The following SMYD3 variants were observed in gnomAD, a reference collection of about 807,000 sequenced individuals.
The protein encoded by SMYD3 is histone-lysine N-methyltransferase SMYD3.
SMYD3 carries 36 observed loss-of-function variants against 57.7 expected under a neutral mutation model. The observed-to-expected ratio is 0.62, with a 90% CI of 0.48 to 0.82. The LOEUF (loss-of-function observed/expected upper bound fraction) is 0.82. SMYD3 is among the 40% of genes least tolerant of loss of function. The pLI is 0.00. For synonymous variants in SMYD3, 211 were observed against 195.0 expected (o/e 1.08, Z -0.68); for missense variants, 515 against 538.8 (o/e 0.96, Z 0.44).
At chr1:246,187,040 T>C (rs954323460) in intron 5 of SMYD3, 30 of 579,194 alleles carry the variant, frequency 5.2e-5, no homozygotes, top group East Asian at 2.9e-4. Flanking sequence ...AACGAGGTGA[T>C]GTGCTGATGG....
intron 7 of SMYD3, among the ~76,000 whole-genome samples, chr1:245,918,173 A>T (rs150444808): frequency 6.6e-6 from 1 of 152,196 alleles, no homozygotes; most frequent in Non-Finnish European, 1.5e-5. Context: ...GCTGCTCCAC[A>T]CACAGAAACA....
intron 5 of SMYD3, among the ~76,000 whole-genome samples, chr1:246,076,838 TAGA>T (rs2060557648): frequency 6.6e-6 from 1 of 152,184 alleles, no homozygotes; most frequent in East Asian, 1.9e-4. Flanking sequence ...TTGCCAGGCA[TAGA>T]AGAAGACGAG....
chr1:246,436,157 G>A (rs1172384830), intron 1 of SMYD3, among the ~76,000 whole-genome samples: 4 of 149,770 alleles, frequency 2.7e-5, no homozygotes, highest in Admixed American at 6.7e-5. Context: ...GAAATGTGTC[G>A]GGAGAAAAAC....
intron 5 of SMYD3, among the ~76,000 whole-genome samples, chr1:246,254,682 G>A (rs1280366480): frequency 6.6e-6 from 1 of 152,192 alleles, no homozygotes; most frequent in African/African-American, 2.4e-5. Flanking sequence ...GACACTGGTA[G>A]TTTCATAGGA....
chr1:246,217,549 GAAAC>G (rs1032241918), intron 5 of SMYD3, among the ~76,000 whole-genome samples: 2 of 151,906 alleles, frequency 1.3e-5, no homozygotes, highest in Non-Finnish European at 2.9e-5. Context: ...AGAAAACAAA[GAAAC>G]AAAGATCAGT....
intron 5 of SMYD3, among the ~76,000 whole-genome samples, chr1:246,206,218 A>C (rs1024320068): frequency 2.0e-5 from 3 of 152,178 alleles, no homozygotes; most frequent in Non-Finnish European, 4.4e-5. Flanking sequence ...AATTTAAAAA[A>C]AGAAAAACAA....
chr1:246,284,420 CTT>C (rs11354241), intron 5 of SMYD3, among the ~76,000 whole-genome samples: 54 of 141,374 alleles, frequency 3.8e-4, no homozygotes, highest in East Asian at 6.4e-4. Context: ...TTTTCTTTTT[CTT>C]TTTTTTTTTT....
intron 5 of SMYD3, among the ~76,000 whole-genome samples, chr1:245,941,967 T>C (rs2057261248): frequency 6.6e-6 from 1 of 151,980 alleles, no homozygotes; most frequent in Non-Finnish European, 1.5e-5. Context: ...TTGCAAGAGC[T>C]CCTAAAGGAA....
intron 5 of SMYD3, among the ~76,000 whole-genome samples, chr1:246,026,908 A>G (rs1453786005): frequency 1.3e-5 from 2 of 152,238 alleles, no homozygotes; most frequent in African/African-American, 4.8e-5. Flanking sequence ...TGAAAGACAC[A>G]TGTGTTGCAC....
intron 5 of SMYD3, among the ~76,000 whole-genome samples, chr1:246,148,859 T>A (rs2061898305): frequency 6.6e-6 from 1 of 152,206 alleles, no homozygotes; most frequent in Non-Finnish European, 1.5e-5. Context: ...AACTGTGCCA[T>A]CAGAGGACAC....
intron 5 of SMYD3, among the ~76,000 whole-genome samples, chr1:246,119,005 ATTTATT>A (rs112021804): frequency 0.14 from 21,856 of 151,654 alleles, 2,076 homozygotes; most frequent in African/African-American, 0.27. Flanking sequence ...TCTAGACGTC[ATTTATT>A]TTTATTTTTA....
chr1:246,304,500 T>C (rs1217210526), intron 5 of SMYD3, among the ~76,000 whole-genome samples: 2 of 151,982 alleles, frequency 1.3e-5, no homozygotes, highest in East Asian at 3.9e-4. Flanking sequence ...ATGATAAAAA[T>C]AGACTTCAAT....
chr1:246,481,313 G>GA (rs751289809), intron 1 of SMYD3, among the ~76,000 whole-genome samples: 20 of 148,928 alleles, frequency 1.3e-4, no homozygotes, highest in East Asian at 2.0e-4. Context: ...GGTTTTTCTG[G>GA]AAAAAAAAAT....
chr1:246,278,452 A>G (rs1435878495), intron 5 of SMYD3, among the ~76,000 whole-genome samples: 2 of 152,190 alleles, frequency 1.3e-5, no homozygotes, highest in Non-Finnish European at 1.5e-5. Context: ...TTGCCATCAG[A>G]TCTTCACTAG....
At chr1:246,377,719 G>T (rs1311175222) in intron 1 of SMYD3, among the ~76,000 whole-genome samples, 3 of 152,160 alleles carry the variant, frequency 2.0e-5, no homozygotes, top group Non-Finnish European at 4.4e-5. Flanking sequence ...ATCCCTGAAA[G>T]TCCCATGGGT....
intron 5 of SMYD3, among the ~76,000 whole-genome samples, chr1:245,944,159 G>A (rs2057356869): frequency 6.6e-6 from 1 of 152,150 alleles, no homozygotes; most frequent in Admixed American, 6.5e-5. Flanking sequence ...GCAAGAGAGA[G>A]AAATAAAGGG....
At chr1:246,362,715 G>C (rs1164469234) in intron 1 of SMYD3, among the ~76,000 whole-genome samples, 1 of 152,166 alleles carries the variant, frequency 6.6e-6, no homozygotes, top group East Asian at 1.9e-4. Context: ...CGCCAGCCTC[G>C]GCCTCCCGGA....
chr1:245,913,487 T>C (rs929936387), intron 8 of SMYD3, among the ~76,000 whole-genome samples: 44 of 151,026 alleles, frequency 2.9e-4, no homozygotes, highest in African/African-American at 1.0e-3. Flanking sequence ...GTTGTGCACA[T>C]GTGCCCTAGA....
At chr1:246,245,631 T>A (rs938367981) in intron 5 of SMYD3, among the ~76,000 whole-genome samples, 4 of 152,190 alleles carry the variant, frequency 2.6e-5, no homozygotes, top group African/African-American at 9.7e-5. Context: ...AACAGATTTT[T>A]ATCTAAGAAA....
Sources: gnomAD v4.1 joint callset for allele counts (sites outside exome capture counted in the v4.1 genomes callset) on GRCh38, gnomAD v4.1.1 for gene constraint, MANE v1.5 for transcripts, NCBI Gene and HGNC (gene_info 2026-07-23, HGNC 2026-07-21) for gene names.